The following SYCP1 variants were observed in gnomAD, a reference collection of about 807,000 sequenced individuals.
SYCP1 encodes synaptonemal complex protein 1, also known as cancer/testis antigen 8.
A neutral mutation model predicts 153.1 loss-of-function variants in SYCP1; 64 were observed. That is an observed-to-expected ratio of 0.42 (90% CI 0.34 to 0.51). The LOEUF is 0.51. Ranked by LOEUF, SYCP1 falls within the 20% of genes least tolerant of loss-of-function variation. The pLI is 0.06. For missense variants in SYCP1, 997 were observed against 1,049.0 expected (o/e 0.95, Z 0.68); for synonymous variants, 384 against 341.8 (o/e 1.12, Z -1.36).
intron 27 of SYCP1, among the ~76,000 whole-genome samples, chr1:114,954,551 A>T (rs994286206): frequency 6.8e-6 from 1 of 146,908 alleles, no homozygotes; most frequent in Admixed American, 6.8e-5. Flanking sequence ...TATGCTTTTT[A>T]TTTATTTATT....
chr1:114,948,341 A>G (rs1489909764), intron 27 of SYCP1, among the ~76,000 whole-genome samples: 1 of 152,138 alleles, frequency 6.6e-6, no homozygotes, highest in East Asian at 1.9e-4. Flanking sequence ...CTTTACTTTG[A>G]CAGAGGTTAC....
At chr1:114,864,062 C>A (rs916465788) in intron 8 of SYCP1, among the ~76,000 whole-genome samples, 1 of 150,146 alleles carries the variant, frequency 6.7e-6, no homozygotes, top group Non-Finnish European at 1.5e-5. Context: ...ATAGGTGCAG[C>A]AAACCACCAT....
At chr1:114,957,444 G>A (rs916346953) in intron 27 of SYCP1, among the ~76,000 whole-genome samples, 3 of 152,076 alleles carry the variant, frequency 2.0e-5, no homozygotes, top group African/African-American at 7.2e-5. Context: ...GGATAAAACA[G>A]GATTATATCA....
At chr1:114,953,857 T>C (rs749653824) in intron 27 of SYCP1, among the ~76,000 whole-genome samples, 5 of 152,228 alleles carry the variant, frequency 3.3e-5, no homozygotes, top group Non-Finnish European at 5.9e-5. Flanking sequence ...TTATTAAACC[T>C]ATAGATCACA....
At chr1:114,875,903 CTT>C (rs1474339934) in intron 9 of SYCP1, among the ~76,000 whole-genome samples, 164 bp from the exon 10 acceptor site, 1 of 152,172 alleles carries the variant, frequency 6.6e-6, no homozygotes, top group Non-Finnish European at 1.5e-5. Flanking sequence ...ATAAGGCCCT[CTT>C]AATACATTTT....
At chr1:114,889,860 A>G (rs1286358113) in intron 15 of SYCP1, among the ~76,000 whole-genome samples, 1 of 152,114 alleles carries the variant, frequency 6.6e-6, no homozygotes, top group Non-Finnish European at 1.5e-5. Context: ...TCTTTAATCC[A>G]TCTTGAGTTA....
At chr1:114,885,232 C>A (rs1387540914) in intron 12 of SYCP1, among the ~76,000 whole-genome samples, 1 of 151,982 alleles carries the variant, frequency 6.6e-6, no homozygotes, top group East Asian at 1.9e-4. Context: ...CATGGTATAC[C>A]ATCCCATATA....
At chr1:114,864,073 G>C (rs1458329877) in intron 8 of SYCP1, among the ~76,000 whole-genome samples, 2 of 151,206 alleles carry the variant, frequency 1.3e-5, no homozygotes, top group East Asian at 3.9e-4. Context: ...AAACCACCAT[G>C]GCACATGTAT....
rs778995680 is a variant in SYCP1, at chr1:114,944,358, A to G, written c.1946A>G (p.Glu649Gly). 2.4e-5 allele frequency: 39 copies of G among 1,603,330 alleles called. No individual in the cohort carries two copies. Among genetic ancestry groups the G allele is most frequent in the Non-Finnish European group, 3.2e-5 (38 of 1,173,532 alleles). ...TTAAAGGTCAATAAATTAGAGTTAG[A>G]ACTAGAAAGTGCCAAACAGAAATTT... is the stretch of plus-strand genomic sequence containing the variant. ...YEIKVNKLEL[E>G]LESAKQKFGE... Residue 649 changes from glutamate to glycine, a missense_variant, in exon 24 of 32, where the codon GAA (glutamate) becomes GGA (glycine). Physicochemically the swap from Glu to Gly is moderately conservative, Grantham distance 98. Coordinates refer to ENST00000369522, the MANE Select transcript of SYCP1 (RefSeq NM_003176.4).
intron 23 of SYCP1, among the ~76,000 whole-genome samples, chr1:114,937,012 A>G (rs1670055746): frequency 6.6e-6 from 1 of 152,166 alleles, no homozygotes; most frequent in Admixed American, 6.6e-5. Context: ...TCAAGCTACC[A>G]ATCACTTTCT....
intron 27 of SYCP1, among the ~76,000 whole-genome samples, chr1:114,953,068 A>T (rs1671209316): frequency 6.6e-6 from 1 of 152,212 alleles, no homozygotes; most frequent in Non-Finnish European, 1.5e-5. Flanking sequence ...GAATAACAAG[A>T]GGGCCAAACA....
intron 19 of SYCP1, among the ~76,000 whole-genome samples, chr1:114,913,741 G>T (rs901989463): frequency 6.6e-6 from 1 of 151,972 alleles, no homozygotes; most frequent in Non-Finnish European, 1.5e-5. Flanking sequence ...TCAAAGTAAC[G>T]CTGGAAAACC....
chr1:114,938,552 A>C (rs1557816804), intron 23 of SYCP1, among the ~76,000 whole-genome samples: 1 of 152,200 alleles, frequency 6.6e-6, no homozygotes, highest in African/African-American at 2.4e-5. Flanking sequence ...TATAATTAAA[A>C]AAATAAATAA....
chr1:114,914,114 T>C, intron 20 of SYCP1, 69 bp downstream of exon 20: 2 of 1,231,584 alleles, frequency 1.6e-6, no homozygotes, highest in Non-Finnish European at 2.2e-6. Context: ...ATTAACTTGT[T>C]ATCATTAATT....
At chr1:114,958,802 T>C (rs1425569145) in intron 27 of SYCP1, among the ~76,000 whole-genome samples, 2 of 145,956 alleles carry the variant, frequency 1.4e-5, no homozygotes, top group Non-Finnish European at 3.0e-5. Context: ...TGGTGGTGGG[T>C]GCCCGTAGTC....
Position 114,881,056 on chromosome 1 carries a change from T to TACACACAC in SYCP1, c.910+2886_910+2893dup, listed in dbSNP as rs67335338. 4.8e-3 allele frequency among the ~76,000 whole-genome samples: 699 copies of TACACACAC among 145,032 alleles called. 5 individuals are homozygous for TACACACAC. Among genetic ancestry groups the TACACACAC allele is most frequent in the African/African-American group, 0.018 (676 of 38,256 alleles). Reference sequence around the variant, plus strand: ...TGAACAGTATTCCAATTTGTGTATATACACACACACACACACACACACACA... The same window carrying TACACACAC: ...TGAACAGTATTCCAATTTGTGTATATACACACACACACACACACACACACACACACACA... On this transcript the variant is annotated intron_variant, in intron 12 of 31. Transcript: ENST00000369522.
intron 9 of SYCP1, among the ~76,000 whole-genome samples, chr1:114,875,639 C>T (rs1665474827): frequency 6.6e-6 from 1 of 152,086 alleles, no homozygotes; most frequent in Non-Finnish European, 1.5e-5. Context: ...ATTAATTAAC[C>T]TGATTTTACA....
chr1:114,937,339 C>T (rs1670082716), intron 23 of SYCP1, among the ~76,000 whole-genome samples: 1 of 152,162 alleles, frequency 6.6e-6, no homozygotes, highest in Non-Finnish European at 1.5e-5. Context: ...ACTGGCTAGC[C>T]ATATGTAGAA....
chr1:114,968,892 A>T (rs1672308370), intron 27 of SYCP1, among the ~76,000 whole-genome samples: 1 of 152,016 alleles, frequency 6.6e-6, no homozygotes, highest in Non-Finnish European at 1.5e-5. Flanking sequence ...GATGTTGATG[A>T]TACTGCTTTC....
Sources: allele counts gnomAD v4.1 joint callset (sites outside exome capture counted in the v4.1 genomes callset), GRCh38; gene constraint gnomAD v4.1.1; transcripts MANE v1.5; gene names NCBI Gene and HGNC (gene_info 2026-07-23, HGNC 2026-07-21).